Variants in AUH observed in about 807,000 individuals in gnomAD.
AUH encodes the protein methylglutaconyl-CoA hydratase, mitochondrial.
A neutral mutation model predicts 42.3 loss-of-function variants in AUH; 29 were observed. The observed-to-expected ratio is 0.69, with a 90% confidence interval of 0.51 to 0.93. The LOEUF is 0.93. Among genes scored for constraint, AUH ranks in the 40% least tolerant of loss-of-function variants. The probability of loss-of-function intolerance (pLI) is 0.00; values close to 1 mark genes in which losing one functional copy is unlikely to be tolerated. For synonymous variants in AUH, 174 were observed against 166.4 expected (o/e 1.05, Z -0.35); for missense variants, 452 against 438.1 (o/e 1.03, Z -0.28).
intron 4 of AUH, among the ~76,000 whole-genome samples, chr9:91,299,874 C>T (rs1827649403): frequency 6.6e-6 from 1 of 152,098 alleles, no homozygotes; most frequent in South Asian, 2.1e-4. Flanking sequence ...TCAAGTCTCA[C>T]CCGTCAGAAG....
intron 1 of AUH, chr9:91,357,373 C>G: frequency 2.1e-6 from 1 of 466,660 alleles, no homozygotes; most frequent in Non-Finnish European, 2.8e-6. Flanking sequence ...TAATCTAACT[C>G]TATACTTGAA....
chr9:91,351,572 T>TCC (rs1831988057), intron 3 of AUH, among the ~76,000 whole-genome samples: 1 of 152,004 alleles, frequency 6.6e-6, no homozygotes, highest in Non-Finnish European at 1.5e-5. Context: ...AGGCCAGGGG[T>TCC]CCCCAACCCG....
At chr9:91,273,373 C>T (rs1825307919) in intron 6 of AUH, among the ~76,000 whole-genome samples, 1 of 150,422 alleles carries the variant, frequency 6.6e-6, no homozygotes, top group Non-Finnish European at 1.5e-5. Context: ...GAAAACTCTT[C>T]CAGGTATTCC....
intron 6 of AUH, chr9:91,294,698 G>A (rs1418920180): frequency 2.2e-6 from 1 of 456,040 alleles, no homozygotes; most frequent in East Asian, 6.9e-5. Flanking sequence ...TGATTCATGG[G>A]AAGAGGCCAG....
chr9:91,303,658 A>G (rs1449590919), intron 4 of AUH, among the ~76,000 whole-genome samples: 1 of 152,218 alleles, frequency 6.6e-6, no homozygotes, highest in Non-Finnish European at 1.5e-5. Context: ...TTTTGCTTGA[A>G]GAATAGTGTT....
At chr9:91,327,022 T>A (rs762879316) in intron 3 of AUH, among the ~76,000 whole-genome samples, 5 of 152,180 alleles carry the variant, frequency 3.3e-5, no homozygotes, top group Non-Finnish European at 5.9e-5. Context: ...CTGTATTTCC[T>A]GAGTTCATTC....
At chr9:91,216,331 T>C (rs544200051) in intron 8 of AUH, among the ~76,000 whole-genome samples, 1 of 152,220 alleles carries the variant, frequency 6.6e-6, no homozygotes, top group South Asian at 2.1e-4. Context: ...ATTTAACCTC[T>C]CTGTGCTTCA....
intron 4 of AUH, among the ~76,000 whole-genome samples, chr9:91,318,818 C>T (rs1280474173): frequency 6.6e-6 from 1 of 152,230 alleles, no homozygotes; most frequent in Non-Finnish European, 1.5e-5. Context: ...AACCCCTGCA[C>T]TCTCCAGAAA....
intron 6 of AUH, among the ~76,000 whole-genome samples, chr9:91,284,408 G>C (rs1197660985): frequency 6.6e-6 from 1 of 152,114 alleles, no homozygotes; most frequent in Non-Finnish European, 1.5e-5. Flanking sequence ...CATGGGAAAG[G>C]ATGTCATGTC....
At chr9:91,311,372 T>C (rs1828688779) in intron 4 of AUH, among the ~76,000 whole-genome samples, 1 of 152,352 alleles carries the variant, frequency 6.6e-6, no homozygotes, top group African/African-American at 2.4e-5. Context: ...TGCAATTTTA[T>C]TTCATCAGAG....
chr9:91,357,993 T>C (rs1832562840), intron 1 of AUH, among the ~76,000 whole-genome samples: 1 of 152,202 alleles, frequency 6.6e-6, no homozygotes, highest in Non-Finnish European at 1.5e-5. Context: ...TTGGAGATCA[T>C]ACCAGAAGTA....
intron 1 of AUH, among the ~76,000 whole-genome samples, chr9:91,361,152 A>G (rs561870176): frequency 2.0e-5 from 3 of 152,362 alleles, no homozygotes; most frequent in Non-Finnish European, 4.4e-5. Context: ...AGAGAAAATG[A>G]ACAAGAGGAA....
intron 4 of AUH, among the ~76,000 whole-genome samples, chr9:91,307,516 A>G (rs982696271): frequency 6.6e-5 from 10 of 152,304 alleles, no homozygotes; most frequent in African/African-American, 2.4e-4. Context: ...TAAACAACAT[A>G]TAAGTTTTAA....
chr9:91,291,148 G>C (rs775563921), intron 6 of AUH, among the ~76,000 whole-genome samples: 3 of 152,098 alleles, frequency 2.0e-5, no homozygotes, highest in East Asian at 1.9e-4. Flanking sequence ...TTCTGTCTTC[G>C]CATCACCTTC....
At chr9:91,357,029 T>C (rs1469458495) in intron 1 of AUH, among the ~76,000 whole-genome samples, 1 of 152,232 alleles carries the variant, frequency 6.6e-6, no homozygotes, top group Non-Finnish European at 1.5e-5. Flanking sequence ...TGCAAGAAAC[T>C]GTGCAGACCC....
intron 6 of AUH, among the ~76,000 whole-genome samples, chr9:91,249,292 C>CAAAAAAAAAAAAAAAAAA (rs59102669): frequency 3.1e-5 from 1 of 32,534 alleles, no homozygotes. Flanking sequence ...GAACCTGTCT[C>CAAAAAAAAAAAAAAAAAA]AAAAAAAAAA....
chr9:91,283,873 A>G (rs1480186867), intron 6 of AUH, among the ~76,000 whole-genome samples: 2 of 151,976 alleles, frequency 1.3e-5, no homozygotes, highest in Non-Finnish European at 2.9e-5. Context: ...TATTGTGAAA[A>G]TGGCCATACT....
intron 4 of AUH, among the ~76,000 whole-genome samples, chr9:91,299,043 A>C (rs1564077983): frequency 1.3e-5 from 2 of 152,102 alleles, no homozygotes; most frequent in African/African-American, 4.8e-5. Context: ...ACATGGTGAA[A>C]CCTCATCTCT....
intron 3 of AUH, among the ~76,000 whole-genome samples, chr9:91,328,780 T>A (rs1332757383): frequency 6.6e-6 from 1 of 152,246 alleles, no homozygotes; most frequent in Non-Finnish European, 1.5e-5. Context: ...CACTGAAGAA[T>A]AATTTACATA....
Sources: gnomAD v4.1 joint callset for allele counts (sites outside exome capture counted in the v4.1 genomes callset) on GRCh38, gnomAD v4.1.1 for gene constraint, MANE v1.5 for transcripts, NCBI Gene and HGNC (gene_info 2026-07-23, HGNC 2026-07-21) for gene names.